Variants in BTBD9 observed in about 807,000 individuals in gnomAD.
The protein encoded by BTBD9 is BTB domain containing 9.
Under a neutral mutation model 64.3 loss-of-function variants are expected in BTBD9, and 49 were observed. That is an observed-to-expected ratio of 0.76 (90% CI 0.61 to 0.97). BTBD9 has a LOEUF of 0.97. BTBD9 is among the 50% of genes least tolerant of loss of function. The pLI is 0.00. For missense variants in BTBD9, 598 were observed against 762.1 expected, an observed-to-expected ratio of 0.78 and a Z score of 2.53; for synonymous variants, 260 against 274.7, an observed-to-expected ratio of 0.95 and a Z score of 0.53.
At chr6:38,190,467 T>TAAA (rs70981527) in intron 10 of BTBD9, among the ~76,000 whole-genome samples, 999 of 77,366 alleles carry the variant, frequency 0.013, 28 homozygotes, top group African/African-American at 0.041. Context: ...AAACTCTGTC[T>TAAA]AAAAAAAAAA....
intron 6 of BTBD9, among the ~76,000 whole-genome samples, chr6:38,363,076 TTTTTA>T (rs1174728123): frequency 6.6e-6 from 1 of 152,104 alleles, no homozygotes; most frequent in Non-Finnish European, 1.5e-5. Flanking sequence ...CAGCATCAAC[TTTTTA>T]TTTTATTTAT....
intron 6 of BTBD9, among the ~76,000 whole-genome samples, chr6:38,426,412 C>A (rs1335653075): frequency 6.6e-6 from 1 of 151,962 alleles, no homozygotes; most frequent in South Asian, 2.1e-4. Context: ...CCTTTGGGTC[C>A]CCTCCCCTTG....
Position 38,396,040 on chromosome 6 carries a change from G to A in BTBD9, c.1155-50947C>T, listed in dbSNP as rs148445681. 5.0e-4 allele frequency among the ~76,000 whole-genome samples: 76 copies of A among 152,218 alleles called. 2 individuals carry two copies. The highest frequency in any genetic ancestry group is 2.5e-3 in the East Asian group (13 of 5,182). On this transcript the variant is annotated intron_variant, in intron 6 of 10. Transcript: ENST00000481247. Reference sequence around the variant, plus strand: ...TAAGTCACTATGTTTGGGGTGATCTGTTACACAGCAATATATAACTAATAC... The same window carrying A: ...TAAGTCACTATGTTTGGGGTGATCTATTACACAGCAATATATAACTAATAC...
intron 6 of BTBD9, among the ~76,000 whole-genome samples, chr6:38,369,325 C>A (rs970700946): frequency 6.6e-6 from 1 of 152,144 alleles, no homozygotes; most frequent in South Asian, 2.1e-4. Flanking sequence ...ATGACCAAGC[C>A]CCTGAAGAAA....
chr6:38,575,754 T>G (rs910015859), intron 6 of BTBD9, among the ~76,000 whole-genome samples: 2 of 152,196 alleles, frequency 1.3e-5, no homozygotes. Context: ...TTCCTTTTCT[T>G]GTTATCATTA....
At chr6:38,475,177 G>A (rs1356789727) in intron 6 of BTBD9, among the ~76,000 whole-genome samples, 2 of 152,042 alleles carry the variant, frequency 1.3e-5, no homozygotes, top group Admixed American at 1.3e-4. Flanking sequence ...ATATACACAT[G>A]GCCAAAAAGA....
At chr6:38,222,462 T>C (rs1486793886) in intron 9 of BTBD9, among the ~76,000 whole-genome samples, 1 of 151,972 alleles carries the variant, frequency 6.6e-6, no homozygotes, top group East Asian at 1.9e-4. Flanking sequence ...GGTTTCACCG[T>C]GTTAGCCAGG....
At chr6:38,344,694 C>T (rs895158770) in intron 7 of BTBD9, among the ~76,000 whole-genome samples, 16 of 152,282 alleles carry the variant, frequency 1.1e-4, no homozygotes, top group African/African-American at 3.9e-4. Context: ...GTGTGAGGGG[C>T]TTCACCTGAC....
At chr6:38,272,000 C>CA (rs888661068) in intron 8 of BTBD9, among the ~76,000 whole-genome samples, 2 of 152,088 alleles carry the variant, frequency 1.3e-5, no homozygotes, top group Non-Finnish European at 2.9e-5. Context: ...GCAGCAGCAG[C>CA]AGCAGCTCCA....
At chr6:38,465,915 C>A (rs1770365957) in intron 6 of BTBD9, among the ~76,000 whole-genome samples, 1 of 138,574 alleles carries the variant, frequency 7.2e-6, no homozygotes, top group African/African-American at 2.7e-5. Context: ...ATTGCAGCTT[C>A]AACCTCCCAG....
chr6:38,181,919 C>T (rs1476326127), intron 10 of BTBD9, among the ~76,000 whole-genome samples: 5 of 152,206 alleles, frequency 3.3e-5, no homozygotes, highest in East Asian at 1.9e-4. Context: ...ACGTGGGAGG[C>T]GGAAGTTGCA....
chr6:38,523,101 T>G (rs573562561), intron 6 of BTBD9, among the ~76,000 whole-genome samples: 1 of 152,304 alleles, frequency 6.6e-6, no homozygotes, highest in African/African-American at 2.4e-5. Flanking sequence ...GAGAATCACC[T>G]GAACCCAGAA....
intron 6 of BTBD9, among the ~76,000 whole-genome samples, chr6:38,476,096 C>G (rs1010812041): frequency 2.0e-5 from 3 of 152,166 alleles, no homozygotes; most frequent in Admixed American, 6.5e-5. Flanking sequence ...TTGTGTTTTT[C>G]ACTCTGTATA....
rs952908965 is a variant in BTBD9 at position 38,351,213 on chromosome 6, T to C, written c.1155-6120A>G. The stretch of plus-strand genomic sequence containing the variant: ...AGCAAAGGGGCCAAGCAGCATTTGC[T>C]TGTTTGGGAGAGGAAGGATTATTGA... On this transcript the variant is annotated intron_variant, in intron 6 of 10. Transcript: ENST00000481247. Among the ~76,000 whole-genome samples the C allele has an allele frequency of 2.0e-5, 3 of 152,220 alleles. No homozygotes were observed. In the East Asian group the frequency reaches 5.8e-4, roughly 29 times the overall value.
chr6:38,351,825 T>G (rs546927142), intron 6 of BTBD9, among the ~76,000 whole-genome samples: 16 of 152,218 alleles, frequency 1.1e-4, no homozygotes, highest in African/African-American at 2.9e-4. Context: ...GGGGGAAAAG[T>G]GAATTTTGAA....
At chr6:38,537,862 G>A (rs919094441) in intron 6 of BTBD9, among the ~76,000 whole-genome samples, 1 of 152,044 alleles carries the variant, frequency 6.6e-6, no homozygotes, top group South Asian at 2.1e-4. Context: ...TCAAGCCTTG[G>A]TCCTAATACA....
rs1771720832 is a variant in BTBD9, at chr6:38,491,997, C to T, written c.1154+85603G>A. Among the ~76,000 whole-genome samples the T allele has an allele frequency of 3.3e-5, 5 of 152,264 alleles. No homozygotes were observed. In the South Asian group the frequency reaches 1.0e-3, roughly 32 times the overall value. ...AAAACTACACTACAAATAGCTTTTA[C>T]CCTCAGGCTCAAAGTTCTCAATAAA... On this transcript the variant is annotated intron_variant, in intron 6 of 10. Transcript: ENST00000481247.
At chr6:38,362,506 A>G (rs1765002530) in intron 6 of BTBD9, among the ~76,000 whole-genome samples, 1 of 152,262 alleles carries the variant, frequency 6.6e-6, no homozygotes, top group East Asian at 1.9e-4. Context: ...AAGATTCACC[A>G]CAGCAAATAA....
intron 6 of BTBD9, among the ~76,000 whole-genome samples, chr6:38,450,536 A>G (rs1381407430): frequency 1.3e-5 from 2 of 152,110 alleles, no homozygotes; most frequent in Admixed American, 1.3e-4. Flanking sequence ...AAACAATTTT[A>G]TGGGTCAATT....
Sources: allele counts gnomAD v4.1 joint callset (sites outside exome capture counted in the v4.1 genomes callset), GRCh38; gene constraint gnomAD v4.1.1; transcripts MANE v1.5; gene names NCBI Gene and HGNC (gene_info 2026-07-23, HGNC 2026-07-21).